The following TFEC variants were observed in gnomAD, a reference collection of about 807,000 sequenced individuals.
TFEC encodes class E basic helix-loop-helix protein 34.
TFEC carries 31 observed loss-of-function variants against 41.6 expected under a neutral mutation model. That is an observed-to-expected ratio of 0.74 (90% confidence interval 0.56 to 1.01). The LOEUF is 1.01. TFEC is among the 50% of genes least tolerant of loss of function. The probability of loss-of-function intolerance (pLI) is 0.00; values close to 1 mark genes in which losing one functional copy is unlikely to be tolerated. For synonymous variants in TFEC, 143 were observed against 140.6 expected (o/e 1.02, Z -0.12); for missense variants, 402 against 404.1 (o/e 0.99, Z 0.04).
chr7:116,013,296 T>C (rs1795070391), intron 1 of TFEC, among the ~76,000 whole-genome samples: 1 of 152,172 alleles, frequency 6.6e-6, no homozygotes, highest in Admixed American at 6.6e-5. Flanking sequence ...ACTGTGCTTC[T>C]GTGTAGGAAA....
chr7:116,122,537 G>C (rs1227006296), intron 1 of TFEC, among the ~76,000 whole-genome samples: 2 of 152,060 alleles, frequency 1.3e-5, no homozygotes, highest in African/African-American at 4.8e-5. Context: ...AGTGATGCTT[G>C]TTCATTCATT....
intron 3 of TFEC, among the ~76,000 whole-genome samples, chr7:116,043,407 T>C (rs1387503500): frequency 2.6e-5 from 4 of 152,010 alleles, no homozygotes; most frequent in Non-Finnish European, 1.5e-5. Flanking sequence ...CAAGCAAAGG[T>C]CATACAAATG....
At chr7:116,067,959 A>C (rs914364003) in intron 3 of TFEC, among the ~76,000 whole-genome samples, 1 of 151,584 alleles carries the variant, frequency 6.6e-6, no homozygotes, top group Admixed American at 6.6e-5. Flanking sequence ...TTGACCCAAA[A>C]TTTTCTCACC....
chr7:116,153,927 A>G (rs779731524), intron 1 of TFEC, among the ~76,000 whole-genome samples: 64 of 152,210 alleles, frequency 4.2e-4, no homozygotes, highest in Non-Finnish European at 8.1e-4. Context: ...GAATCATAGA[A>G]AAAGGAAGAA....
rs1793433500 is a variant in TFEC at position 115,940,537 on chromosome 7, G to T, written c.*14C>A. 9 of 1,589,882 alleles carry T rather than the reference G, an allele frequency of 5.7e-6. No homozygotes were observed. Among genetic ancestry groups the T allele is most frequent in the Non-Finnish European group, 6.9e-6 (8 of 1,165,900 alleles). On this transcript the variant is annotated 3_prime_UTR_variant, in exon 8 of 8. Transcript: ENST00000265440. ...GAATTGCTTTCCAGTTGATGAATTG[G>T]GTCTGTTTATTTCTTATAATTCATC...
chr7:116,022,780 T>C (rs1277518719), intron 1 of TFEC, among the ~76,000 whole-genome samples: 1 of 152,172 alleles, frequency 6.6e-6, no homozygotes, highest in Non-Finnish European at 1.5e-5. Flanking sequence ...ATAATTTATT[T>C]AAAAGCAGCA....
intron 3 of TFEC, among the ~76,000 whole-genome samples, chr7:116,042,308 T>C (rs555080231): frequency 6.6e-6 from 1 of 152,228 alleles, no homozygotes; most frequent in African/African-American, 2.4e-5. Flanking sequence ...GCATTGTATA[T>C]GAAGAGAAAA....
At chr7:115,991,014 C>A (rs777775866) in intron 1 of TFEC, among the ~76,000 whole-genome samples, 14 of 152,184 alleles carry the variant, frequency 9.2e-5, no homozygotes, top group African/African-American at 1.2e-4. Context: ...GGAAGCCCAT[C>A]AGACTAACAG....
chr7:116,050,476 A>G (rs544150575), intron 3 of TFEC, among the ~76,000 whole-genome samples: 144 of 152,364 alleles, frequency 9.5e-4, no homozygotes, highest in African/African-American at 3.1e-3. Flanking sequence ...CCCATCAAAA[A>G]GTGGGTGAAG....
upstream of TFEC, among the ~76,000 whole-genome samples, chr7:116,034,090 T>C (rs149127908): frequency 4.3e-3 from 660 of 152,210 alleles, 6 homozygotes; most frequent in African/African-American, 0.015. Flanking sequence ...TTTAATGCCC[T>C]TTTTATGGGT....
chr7:116,036,459 T>TG (rs1171023323), intron 3 of TFEC, among the ~76,000 whole-genome samples: 1 of 152,092 alleles, frequency 6.6e-6, no homozygotes, highest in Non-Finnish European at 1.5e-5. Context: ...TGTCATTCAC[T>TG]GAAATGATAT....
chr7:115,992,419 C>T (rs566721977), intron 1 of TFEC, among the ~76,000 whole-genome samples: 76 of 152,250 alleles, frequency 5.0e-4, no homozygotes, highest in Non-Finnish European at 9.8e-4. Flanking sequence ...AATCCAGGAG[C>T]TGGTGTTTCG....
intron 6 of TFEC, among the ~76,000 whole-genome samples, chr7:115,943,826 G>T (rs1174541964): frequency 6.6e-6 from 1 of 151,382 alleles, no homozygotes; most frequent in African/African-American, 2.4e-5. Context: ...TTAAAAGCCT[G>T]AATGCATTTA....
intron 3 of TFEC, among the ~76,000 whole-genome samples, chr7:116,050,677 GA>G (rs746592791): frequency 1.2e-4 from 18 of 147,008 alleles, no homozygotes; most frequent in Non-Finnish European, 2.3e-4. Context: ...AGAGAAATAG[GA>G]ACACTTTTAC....
chr7:116,072,055 A>C (rs1278265078), intron 3 of TFEC, among the ~76,000 whole-genome samples: 1 of 151,596 alleles, frequency 6.6e-6, no homozygotes, highest in Non-Finnish European at 1.5e-5. Context: ...ATAAAATTAC[A>C]GCTATAGCTG....
At chr7:116,158,750 T>C (rs1798918740) in intron 1 of TFEC, among the ~76,000 whole-genome samples, 1 of 152,092 alleles carries the variant, frequency 6.6e-6, no homozygotes, top group Non-Finnish European at 1.5e-5. Context: ...AAAAATGTGA[T>C]ACTAGGTCCC....
At chr7:115,953,841 G>A (rs925246299) in intron 5 of TFEC, among the ~76,000 whole-genome samples, 4 of 151,980 alleles carry the variant, frequency 2.6e-5, no homozygotes, top group Admixed American at 1.3e-4. Context: ...TTCAGCTAGC[G>A]ATACATAAGG....
intron 3 of TFEC, among the ~76,000 whole-genome samples, chr7:116,079,400 G>C (rs1032104630): frequency 2.6e-5 from 4 of 152,028 alleles, no homozygotes; most frequent in African/African-American, 9.7e-5. Context: ...GTTAGTGTTT[G>C]TTGATGGTAA....
intron 6 of TFEC, among the ~76,000 whole-genome samples, chr7:115,944,730 G>T (rs2130247470): frequency 6.6e-6 from 1 of 151,368 alleles, no homozygotes; most frequent in East Asian, 2.0e-4. Context: ...TAAGCCCCAG[G>T]TTTCCTCTCT....
Sources: gnomAD v4.1 joint callset for allele counts (sites outside exome capture counted in the v4.1 genomes callset) on GRCh38, gnomAD v4.1.1 for gene constraint, MANE v1.5 for transcripts, NCBI Gene and HGNC (gene_info 2026-07-23, HGNC 2026-07-21) for gene names.